Variants in GRAMD1B observed in about 807,000 individuals in gnomAD.
The protein encoded by GRAMD1B is GRAM domain containing 1B.
GRAMD1B carries 37 observed loss-of-function variants against 99.7 expected under a neutral mutation model. The ratio of observed to expected loss-of-function variants is 0.37; its 90% confidence interval spans 0.29 to 0.49. GRAMD1B has a LOEUF of 0.49. Among genes scored for constraint, GRAMD1B ranks in the 20% least tolerant of loss-of-function variants. GRAMD1B has a pLI of 0.98. For synonymous variants in GRAMD1B, 427 were observed against 387.6 expected (o/e 1.10, Z -1.19); for missense variants, 888 against 1,009.2 (o/e 0.88, Z 1.63).
chr11:123,395,699 A>G (rs1947434559), intron 1 of GRAMD1B, among the ~76,000 whole-genome samples: 1 of 152,228 alleles, frequency 6.6e-6, no homozygotes, highest in East Asian at 1.9e-4. Context: ...CAAAGAGATG[A>G]GAATCTTTGT....
chr11:123,491,614 G>A, intron 2 of GRAMD1B: 1 of 342,180 alleles, frequency 2.9e-6, no homozygotes, highest in Non-Finnish European at 5.2e-6. Flanking sequence ...TGGAGCTGTG[G>A]CTTGGGCAGG....
chr11:123,433,800 G>C (rs147489401), intron 1 of GRAMD1B, among the ~76,000 whole-genome samples: 2,996 of 151,592 alleles, frequency 0.02, 52 homozygotes, highest in Non-Finnish European at 0.029. Flanking sequence ...AGGTATTCCT[G>C]GTTTCGAGAG....
intron 2 of GRAMD1B, among the ~76,000 whole-genome samples, chr11:123,577,138 G>A (rs1190351472): frequency 1.3e-5 from 2 of 152,350 alleles, no homozygotes; most frequent in South Asian, 4.1e-4. Context: ...TTGCCCGTTG[G>A]CTCGTGCGTC....
chr11:123,580,533 G>C (rs1329043069), intron 3 of GRAMD1B, among the ~76,000 whole-genome samples: 1 of 152,150 alleles, frequency 6.6e-6, no homozygotes, highest in African/African-American at 2.4e-5. Context: ...CCCATGCACG[G>C]TGTCTTTCTT....
At chr11:123,377,068 C>T (rs1003641851) in intron 1 of GRAMD1B, among the ~76,000 whole-genome samples, 1 of 152,184 alleles carries the variant, frequency 6.6e-6, no homozygotes, top group Non-Finnish European at 1.5e-5. Context: ...AAGAACTACT[C>T]TAAAAGAACA....
At chr11:123,496,306 T>C (rs1458957542) in intron 2 of GRAMD1B, among the ~76,000 whole-genome samples, 1 of 152,140 alleles carries the variant, frequency 6.6e-6, no homozygotes, top group Non-Finnish European at 1.5e-5. Context: ...GCTTGTCAGG[T>C]TTGCACTGAG....
chr11:123,619,781 A>T (rs577780195), intron 19 of GRAMD1B, among the ~76,000 whole-genome samples: 1 of 152,326 alleles, frequency 6.6e-6, no homozygotes, highest in South Asian at 2.1e-4. Context: ...AAAATCAATA[A>T]TTAGCCTAGT....
At chr11:123,537,008 A>G (rs1944035763) in intron 2 of GRAMD1B, among the ~76,000 whole-genome samples, 1 of 152,224 alleles carries the variant, frequency 6.6e-6, no homozygotes, top group African/African-American at 2.4e-5. Context: ...TTAGTGTACA[A>G]GACCTTTAAT....
At chr11:123,377,936 G>A (rs565872773) in intron 1 of GRAMD1B, among the ~76,000 whole-genome samples, 12 of 152,310 alleles carry the variant, frequency 7.9e-5, no homozygotes, top group African/African-American at 2.6e-4. Flanking sequence ...CTTCTATGTG[G>A]CTCCTTTGTG....
chr11:123,601,223 A>G (rs1951916504), intron 8 of GRAMD1B, among the ~76,000 whole-genome samples: 1 of 152,134 alleles, frequency 6.6e-6, no homozygotes, highest in African/African-American at 2.4e-5. Flanking sequence ...AGATGCCACA[A>G]CTTAAAGTAC....
intron 1 of GRAMD1B, among the ~76,000 whole-genome samples, chr11:123,434,093 G>A (rs2134204746): frequency 1.3e-5 from 2 of 151,998 alleles, no homozygotes; most frequent in Admixed American, 6.6e-5. Flanking sequence ...AGCCAGGTGT[G>A]GTGGTGGACA....
chr11:123,409,001 GTTATTA>G (rs1335483163), intron 1 of GRAMD1B, among the ~76,000 whole-genome samples: 1 of 152,122 alleles, frequency 6.6e-6, no homozygotes, highest in South Asian at 2.1e-4. Context: ...TCTTTTTTAT[GTTATTA>G]TTATTTACCC....
chr11:123,433,974 A>G (rs1949036041), intron 1 of GRAMD1B, among the ~76,000 whole-genome samples: 1 of 152,144 alleles, frequency 6.6e-6, no homozygotes, highest in African/African-American at 2.4e-5. Flanking sequence ...TCACGCCTGT[A>G]ATCCTAGCAC....
At chr11:123,382,884 C>T (rs544417555) in intron 1 of GRAMD1B, among the ~76,000 whole-genome samples, 1 of 152,248 alleles carries the variant, frequency 6.6e-6, no homozygotes, top group Non-Finnish European at 1.5e-5. Flanking sequence ...AAGGGAGAAG[C>T]TGAGGGACAA....
chr11:123,368,800 C>T (rs1472249536), intron 1 of GRAMD1B, among the ~76,000 whole-genome samples: 1 of 151,264 alleles, frequency 6.6e-6, no homozygotes, highest in Non-Finnish European at 1.5e-5. Flanking sequence ...TTTGGGGTTT[C>T]ATTCATTATC....
chr11:123,530,913 G>T (rs1472732469), intron 2 of GRAMD1B, among the ~76,000 whole-genome samples: 1 of 152,154 alleles, frequency 6.6e-6, no homozygotes, highest in Non-Finnish European at 1.5e-5. Flanking sequence ...ACTTCTGTTT[G>T]CCTTGGGTGG....
chr11:123,394,770 A>T (rs571286080), intron 1 of GRAMD1B, among the ~76,000 whole-genome samples: 2 of 152,332 alleles, frequency 1.3e-5, no homozygotes, highest in African/African-American at 4.8e-5. Context: ...ACAGTTCTAG[A>T]GGCTGGGGAG....
intron 1 of GRAMD1B, among the ~76,000 whole-genome samples, chr11:123,448,562 T>TAA (rs1949742589): frequency 6.6e-6 from 1 of 152,230 alleles, no homozygotes; most frequent in Non-Finnish European, 1.5e-5. Context: ...TGGGGCGATT[T>TAA]CATCCATTCT....
At chr11:123,431,549 T>C (rs1258576003) in intron 1 of GRAMD1B, among the ~76,000 whole-genome samples, 2 of 152,238 alleles carry the variant, frequency 1.3e-5, no homozygotes, top group African/African-American at 4.8e-5. Context: ...CTACGCAAAC[T>C]CTCTGAGGTA....
Sources: gnomAD v4.1 joint callset for allele counts (sites outside exome capture counted in the v4.1 genomes callset) on GRCh38, gnomAD v4.1.1 for gene constraint, MANE v1.5 for transcripts, NCBI Gene and HGNC (gene_info 2026-07-23, HGNC 2026-07-21) for gene names.